GRM5: variants seen among roughly 807,000 people sequenced by gnomAD.
GRM5 encodes the protein metabotropic glutamate receptor 5.
A neutral mutation model predicts 83.1 loss-of-function variants in GRM5; 19 were observed. The observed-to-expected ratio is 0.23, with a 90% confidence interval of 0.16 to 0.34. The LOEUF is 0.34. GRM5 is among the 10% of genes least tolerant of loss of function. The pLI, the probability that GRM5 is intolerant of heterozygous loss-of-function variation, is 1.00. For missense variants in GRM5, 1,160 were observed against 1,588.3 expected (o/e 0.73, Z 4.58); for synonymous variants, 675 against 633.6 (o/e 1.07, Z -0.98).
chr11:88,653,978 A>T (rs1478030383), intron 3 of GRM5, among the ~76,000 whole-genome samples: 1 of 152,034 alleles, frequency 6.6e-6, no homozygotes, highest in African/African-American at 2.4e-5. Context: ...CTCGAACTGA[A>T]ATCTTTGTAG....
intron 4 of GRM5, among the ~76,000 whole-genome samples, chr11:88,650,388 C>T (rs189930385): frequency 2.0e-5 from 3 of 151,868 alleles, no homozygotes; most frequent in Admixed American, 6.6e-5. Context: ...AAGAAATGTT[C>T]AAAAGTCTTG....
intron 1 of GRM5, among the ~76,000 whole-genome samples, chr11:89,059,930 A>G (rs1159811145): frequency 1.3e-5 from 2 of 152,026 alleles, no homozygotes; most frequent in African/African-American, 4.8e-5. Context: ...CATGCCATGT[A>G]CTGCTATAAC....
intron 2 of GRM5, among the ~76,000 whole-genome samples, chr11:88,942,358 A>G (rs1248360098): frequency 6.6e-6 from 1 of 152,046 alleles, no homozygotes; most frequent in African/African-American, 2.4e-5. Context: ...ATATTGTACC[A>G]TTCTTTCAAC....
intron 3 of GRM5, among the ~76,000 whole-genome samples, chr11:88,843,707 G>T (rs1944247403): frequency 6.6e-6 from 1 of 152,126 alleles, no homozygotes; most frequent in South Asian, 2.1e-4. Flanking sequence ...AGCAAATATA[G>T]GCCAAAAATT....
At chr11:88,910,180 C>G (rs764714850) in intron 2 of GRM5, among the ~76,000 whole-genome samples, 1 of 151,948 alleles carries the variant, frequency 6.6e-6, no homozygotes, top group African/African-American at 2.4e-5. Flanking sequence ...TATTTGTCTT[C>G]TTGTATCTAG....
At position 88,531,416 on chromosome 11, in the gene GRM5, T is replaced by C. The variant is rs1195751319; in HGVS notation, c.2631-6012A>G. ...TCAGTGGATGAAGCAAAGAGCAATA[T>C]ATAGAAGTAGAATTTACAAATGTGC... On this transcript the variant is annotated intron_variant, in intron 8 of 9. Transcript: ENST00000305447. 2.6e-5 allele frequency among the ~76,000 whole-genome samples: 4 copies of C among 152,106 alleles called. No individual in the cohort carries two copies. In the East Asian group the frequency reaches 7.7e-4, roughly 29 times the overall value.
chr11:88,647,283 A>G (rs1939487109), intron 4 of GRM5, among the ~76,000 whole-genome samples: 1 of 152,074 alleles, frequency 6.6e-6, no homozygotes, highest in Non-Finnish European at 1.5e-5. Flanking sequence ...TTCTGGCAAC[A>G]GACATGAATT....
At chr11:88,623,465 A>C (rs555396167) in intron 4 of GRM5, among the ~76,000 whole-genome samples, 1 of 152,244 alleles carries the variant, frequency 6.6e-6, no homozygotes, top group African/African-American at 2.4e-5. Context: ...TATCAAATTA[A>C]GCTATAGAAA....
intron 3 of GRM5, among the ~76,000 whole-genome samples, chr11:88,834,412 G>A: frequency 6.6e-6 from 1 of 152,170 alleles, no homozygotes; most frequent in East Asian, 1.9e-4. Flanking sequence ...TTGTATTCAT[G>A]ACTTGCTAAG....
At chr11:88,606,941 G>GTTT (rs36065663) in intron 4 of GRM5, among the ~76,000 whole-genome samples, 74 of 128,218 alleles carry the variant, frequency 5.8e-4, no homozygotes, top group African/African-American at 2.0e-3. Flanking sequence ...TAAGAAAGGT[G>GTTT]TTTTTTTTTT....
At chr11:88,777,721 G>A (rs1942886554) in intron 3 of GRM5, among the ~76,000 whole-genome samples, 1 of 152,136 alleles carries the variant, frequency 6.6e-6, no homozygotes, top group South Asian at 2.1e-4. Context: ...GGAGTTTGCT[G>A]GAGTTTCACT....
At chr11:88,755,851 CAG>C (rs748720129) in intron 3 of GRM5, among the ~76,000 whole-genome samples, 5 of 152,114 alleles carry the variant, frequency 3.3e-5, no homozygotes, top group African/African-American at 4.8e-5. Context: ...AGGATTTACA[CAG>C]AGTCACACAG....
intron 2 of GRM5, among the ~76,000 whole-genome samples, chr11:88,919,191 GA>G (rs2135624580): frequency 7.7e-6 from 1 of 129,170 alleles, no homozygotes; most frequent in Admixed American, 8.0e-5. Flanking sequence ...AAAAAAGATG[GA>G]AAAAGATATC....
chr11:88,569,124 C>T (rs747618291), intron 7 of GRM5, among the ~76,000 whole-genome samples: 1 of 152,154 alleles, frequency 6.6e-6, no homozygotes, highest in Non-Finnish European at 1.5e-5. Flanking sequence ...AATCCTGAGA[C>T]CTGGGTGTCC....
intron 2 of GRM5, among the ~76,000 whole-genome samples, chr11:88,926,791 T>C (rs1945796797): frequency 6.6e-6 from 1 of 152,214 alleles, no homozygotes; most frequent in African/African-American, 2.4e-5. Flanking sequence ...AGGGCAGTTC[T>C]GTGTTCTGTT....
intron 4 of GRM5, among the ~76,000 whole-genome samples, chr11:88,645,546 A>G (rs1208276229): frequency 2.0e-5 from 3 of 152,066 alleles, no homozygotes; most frequent in Non-Finnish European, 2.9e-5. Context: ...AATATAAATG[A>G]CCAATTTGAA....
At position 88,508,742 on chromosome 11, in the gene GRM5, G is replaced by T. The variant is rs1941254216; in HGVS notation, c.3489C>A (p.Leu1163=). 6.4e-7 allele frequency: 1 copy of T among 1,571,878 alleles called. No homozygotes were observed. The highest frequency in any genetic ancestry group is 8.6e-7 in the Non-Finnish European group (1 of 1,161,452). The change falls in exon 10 of 10, where the codon CTC becomes CTA. Residue 1163 remains leucine, a synonymous_variant. Transcript: ENST00000305447. This position sits in a 1 kb window ranked among gnomAD's most constrained non-coding sequence, Gnocchi z 4.2. ...AKPDLEELVA[L]TPPSPFRDSV... ...AGTCTCTGAAGGGGGACGGCGGGGT[G>T]AGAGCCACCAGCTCCTCCAGGTCTG...
At chr11:88,877,845 GAAA>G (rs1565273380) in intron 2 of GRM5, among the ~76,000 whole-genome samples, 2 of 144,190 alleles carry the variant, frequency 1.4e-5, no homozygotes, top group East Asian at 4.1e-4. Context: ...AAAAAAAGCA[GAAA>G]GAAAGAAAGA....
chr11:88,625,102 C>A (rs1431061763), intron 4 of GRM5, among the ~76,000 whole-genome samples: 2 of 152,036 alleles, frequency 1.3e-5, no homozygotes, highest in Non-Finnish European at 2.9e-5. Context: ...AATTTTACAT[C>A]AAGGGGACCT....
Sources: allele counts gnomAD v4.1 joint callset (sites outside exome capture counted in the v4.1 genomes callset), GRCh38; gene constraint gnomAD v4.1.1; non-coding constraint Gnocchi (gnomAD v3.1); transcripts MANE v1.5; gene names NCBI Gene and HGNC (gene_info 2026-07-23, HGNC 2026-07-21).